Variants in RBPJ observed in about 807,000 individuals in gnomAD.
The protein encoded by RBPJ is recombination signal binding protein for immunoglobulin kappa J region.
Under a neutral mutation model 67.8 loss-of-function variants are expected in RBPJ, and 9 were observed. The observed-to-expected ratio is 0.13, with a 90% CI of 0.08 to 0.23. RBPJ has a LOEUF of 0.23. Ranked by LOEUF, RBPJ falls within the 10% of genes least tolerant of loss-of-function variation. The probability of loss-of-function intolerance (pLI) is 1.00; values close to 1 mark genes in which losing one functional copy is unlikely to be tolerated. For synonymous variants in RBPJ, 198 were observed against 203.3 expected (o/e 0.97, Z 0.22); for missense variants, 305 against 595.6 (o/e 0.51, Z 5.08).
chr4:26,340,822 G>A (rs1192780579), intron 1 of RBPJ, among the ~76,000 whole-genome samples: 1 of 150,032 alleles, frequency 6.7e-6, no homozygotes, highest in Non-Finnish European at 1.5e-5. Flanking sequence ...TCACGCCACT[G>A]CACTCCAGCC....
chr4:26,161,228 G>A (rs183145513), upstream of RBPJ, among the ~76,000 whole-genome samples: 6 of 152,318 alleles, frequency 3.9e-5, no homozygotes, highest in East Asian at 1.2e-3. Flanking sequence ...GCTGGAGGGT[G>A]ACAGGCTACA....
At chr4:26,404,628 C>A (rs1003600957) in intron 2 of RBPJ, among the ~76,000 whole-genome samples, 4 of 152,144 alleles carry the variant, frequency 2.6e-5, no homozygotes, top group Non-Finnish European at 4.4e-5. Context: ...CAGTACTTAT[C>A]TTTTTGGATT....
At chr4:26,278,271 C>G (rs1371070597) in intron 1 of RBPJ, among the ~76,000 whole-genome samples, 1 of 152,062 alleles carries the variant, frequency 6.6e-6, no homozygotes, top group South Asian at 2.1e-4. Flanking sequence ...ATAAAGTGAA[C>G]CTATGCCAAA....
intron 1 of RBPJ, among the ~76,000 whole-genome samples, chr4:26,362,242 TG>T (rs942302297): frequency 7.2e-5 from 11 of 152,148 alleles, no homozygotes; most frequent in Admixed American, 2.0e-4. Context: ...AAGAGATTTG[TG>T]GGGTTTTACT....
At chr4:26,312,614 G>C (rs1722469020) in intron 1 of RBPJ, among the ~76,000 whole-genome samples, 1 of 152,158 alleles carries the variant, frequency 6.6e-6, no homozygotes, top group African/African-American at 2.4e-5. Flanking sequence ...CAGTAAGTCA[G>C]CTACCAAGTC....
rs189060217 is a variant in RBPJ, at chr4:26,386,827, A to G, written c.59+436A>G. On this transcript the variant is annotated intron_variant, in intron 2 of 10. Coordinates refer to ENST00000355476, the MANE Select transcript of RBPJ (RefSeq NM_015874.6). ...TTTTAATGAGTATAAGTTGTACAAT[A>G]TACATTTTAATTATGAATGTTGAAA... 2.2e-3 allele frequency among the ~76,000 whole-genome samples: 336 copies of G among 152,290 alleles called. 3 individuals carry two copies. The highest frequency in any genetic ancestry group is 6.8e-3 in the Middle Eastern group (2 of 294).
intron 1 of RBPJ, among the ~76,000 whole-genome samples, chr4:26,215,670 A>G (rs1718700157): frequency 6.6e-6 from 1 of 152,186 alleles, no homozygotes; most frequent in Non-Finnish European, 1.5e-5. Flanking sequence ...CTGGAGTGTC[A>G]CGAAAACAGG....
At position 26,429,906 on chromosome 4, in the gene RBPJ, A is replaced by G. The variant is rs763369152; in HGVS notation, c.897A>G (p.Pro299=). The change falls in exon 9 of 11, where the codon CCA becomes CCG. Residue 299 remains proline, a synonymous_variant. Coordinates refer to ENST00000355476, the MANE Select transcript of RBPJ (RefSeq NM_015874.6). ...QERIIQFQAT[P]CPKEPNKEMI... ...ACTTCTTTCTTTATTAGGCCACTCC[A>G]TGTCCAAAAGAACCAAATAAAGAGA... is the stretch of plus-strand genomic sequence containing the variant. 1.9e-5 allele frequency: 31 copies of G among 1,612,496 alleles called. No homozygotes were observed. Among genetic ancestry groups the G allele is most frequent in the Middle Eastern group, 2.0e-4 (1 of 5,030 alleles).
intron 1 of RBPJ, among the ~76,000 whole-genome samples, chr4:26,193,524 C>T (rs1717644324): frequency 6.6e-6 from 1 of 151,846 alleles, no homozygotes; most frequent in East Asian, 1.9e-4. Context: ...AAAACTTTCC[C>T]TTCCTGAACA....
At chr4:26,115,768 C>A in the RBPJ span, among the ~76,000 whole-genome samples, 2 of 152,164 alleles carry the variant, frequency 1.3e-5, no homozygotes, top group East Asian at 1.9e-4. Context: ...ACTAACTTAG[C>A]ACTTCAGTAA....
At chr4:26,314,800 C>A (rs571065815), upstream of RBPJ, among the ~76,000 whole-genome samples, 2 of 152,152 alleles carry the variant, frequency 1.3e-5, no homozygotes, top group Non-Finnish European at 2.9e-5. Flanking sequence ...CAAGAACAGA[C>A]TAATATAGTT....
intron 1 of RBPJ, among the ~76,000 whole-genome samples, chr4:26,209,096 A>ATATATAT (rs1344233126): frequency 2.2e-5 from 2 of 90,126 alleles, no homozygotes; most frequent in African/African-American, 8.3e-5. Context: ...CAGAAGAAAA[A>ATATATAT]AAATATATAT....
intron 1 of RBPJ, among the ~76,000 whole-genome samples, chr4:26,313,195 T>G (rs750791601): frequency 4.6e-5 from 7 of 152,202 alleles, no homozygotes; most frequent in Non-Finnish European, 8.8e-5. Context: ...AGTGCTGGAA[T>G]TACAAGCATG....
chr4:26,232,260 T>C (rs995081147), intron 1 of RBPJ, among the ~76,000 whole-genome samples: 10 of 152,190 alleles, frequency 6.6e-5, no homozygotes, highest in Non-Finnish European at 1.3e-4. Context: ...TATATTTAAG[T>C]TCAGGGGCAC....
At chr4:26,281,733 A>C (rs1181216957) in intron 1 of RBPJ, among the ~76,000 whole-genome samples, 1 of 152,244 alleles carries the variant, frequency 6.6e-6, no homozygotes, top group Non-Finnish European at 1.5e-5. Context: ...TCTTCAGAGT[A>C]GGCAAAGCAA....
intron 2 of RBPJ, among the ~76,000 whole-genome samples, chr4:26,386,734 T>C (rs1730956437): frequency 6.6e-6 from 1 of 152,206 alleles, no homozygotes; most frequent in African/African-American, 2.4e-5. Context: ...TGAAAGTAAA[T>C]GCTTTTAGGA....
intron 8 of RBPJ, 82 bp from the exon 9 acceptor site, chr4:26,429,816 C>A: frequency 8.6e-7 from 1 of 1,158,620 alleles, no homozygotes; most frequent in South Asian, 1.4e-5. Flanking sequence ...TAACTCTTGT[C>A]TGAGGGTTAC....
At chr4:26,342,547 G>A (rs12651502) in intron 1 of RBPJ, among the ~76,000 whole-genome samples, 12,929 of 152,158 alleles carry the variant, frequency 0.085, 677 homozygotes, top group East Asian at 0.26. Flanking sequence ...TCCCATGCGT[G>A]GTTAACTTAG....
rs374707691 is a variant in RBPJ at position 26,308,447 on chromosome 4, C to G, written c.-166-53999C>G. On this transcript the variant is annotated intron_variant, in intron 1 of 4. Transcript: ENST00000512351. ...AGACTTTTTTCTTGCAGTAATTTCA[C>G]AATGTGCTTTTTAAAAATTCCCACA... 1.1e-3 allele frequency among the ~76,000 whole-genome samples: 160 copies of G among 152,202 alleles called. 4 individuals are homozygous for G. In the South Asian group the frequency reaches 0.033, roughly 31 times the overall value.
Sources: gnomAD v4.1 joint callset for allele counts (sites outside exome capture counted in the v4.1 genomes callset) on GRCh38, gnomAD v4.1.1 for gene constraint, MANE v1.5 for transcripts, NCBI Gene and HGNC (gene_info 2026-07-23, HGNC 2026-07-21) for gene names.